The following SPTLC2 variants were observed in gnomAD, a reference collection of about 807,000 sequenced individuals.
The protein encoded by SPTLC2 is serine palmitoyltransferase 2.
In SPTLC2, 21 loss-of-function variants were observed where a neutral mutation model predicts 62.0. That is an observed-to-expected ratio of 0.34 (90% CI 0.24 to 0.49). The LOEUF is 0.49. Ranked by LOEUF, SPTLC2 falls within the 20% of genes least tolerant of loss-of-function variation. SPTLC2 has a pLI of 0.99. For missense variants in SPTLC2, 511 were observed against 713.0 expected (o/e 0.72, Z 3.23); for synonymous variants, 261 against 261.8 (o/e 1.00, Z 0.03).
chr14:77,607,379 G>A (rs1041488414), intron 1 of SPTLC2, among the ~76,000 whole-genome samples: 4 of 152,062 alleles, frequency 2.6e-5, no homozygotes, highest in Middle Eastern at 6.3e-3. Context: ...AATGGTTTCC[G>A]CCATTAAAAG....
intron 11 of SPTLC2, among the ~76,000 whole-genome samples, chr14:77,517,138 CAG>C (rs1274110736): frequency 6.6e-6 from 1 of 152,086 alleles, no homozygotes; most frequent in Non-Finnish European, 1.5e-5. Flanking sequence ...CCCAGCTACT[CAG>C]GGGGCTGAGG....
chr14:77,540,023 C>T (rs944030959), intron 9 of SPTLC2, among the ~76,000 whole-genome samples: 1 of 151,582 alleles, frequency 6.6e-6, no homozygotes, highest in Admixed American at 6.6e-5. Context: ...ATGAAGAAAC[C>T]CTGTCTCTAC....
rs528691017 is a variant in SPTLC2 at position 77,564,049 on chromosome 14, C to T, written c.757-1560G>A. ...GGTGGATCACTTGAGGTCAGGAGTT[C>T]GAGACCAGCCTGGCCAACATGGCAA... On this transcript the variant is annotated intron_variant, in intron 5 of 11. Coordinates refer to ENST00000216484, the MANE Select transcript of SPTLC2 (RefSeq NM_004863.4). Among the ~76,000 whole-genome samples the T allele has an allele frequency of 5.3e-5, 8 of 151,650 alleles. No individual in the cohort carries two copies. In the South Asian group the frequency reaches 1.7e-3, roughly 32 times the overall value.
chr14:77,531,350 A>G (rs1191431389), intron 9 of SPTLC2, among the ~76,000 whole-genome samples: 1 of 152,134 alleles, frequency 6.6e-6, no homozygotes, highest in Non-Finnish European at 1.5e-5. Flanking sequence ...TCTCAGGAAG[A>G]TGGTACTCTT....
chr14:77,586,764 A>G (rs978879626), intron 2 of SPTLC2, among the ~76,000 whole-genome samples: 1 of 152,252 alleles, frequency 6.6e-6, no homozygotes, highest in African/African-American at 2.4e-5. Context: ...CAGAGACTTC[A>G]TGAAATCAGC....
At chr14:77,539,827 T>C (rs996607997) in intron 9 of SPTLC2, among the ~76,000 whole-genome samples, 9 of 151,304 alleles carry the variant, frequency 5.9e-5, no homozygotes, top group Non-Finnish European at 1.0e-4. Context: ...TATTTTTTTG[T>C]AGCTGGCACG....
chr14:77,560,505 C>CT (rs775511180), intron 6 of SPTLC2, among the ~76,000 whole-genome samples: 10 of 151,954 alleles, frequency 6.6e-5, no homozygotes, highest in Non-Finnish European at 1.2e-4. Flanking sequence ...GTCCCAGCTA[C>CT]TAGGGTGGCT....
Position 77,572,561 on chromosome 14 carries a change from T to C in SPTLC2, c.632-2053A>G, listed in dbSNP as rs138288281. 2.3e-3 allele frequency among the ~76,000 whole-genome samples: 348 copies of C among 152,348 alleles called. 1 individual carries two copies. The highest frequency in any genetic ancestry group is 8.0e-3 in the African/African-American group (333 of 41,576). On this transcript the variant is annotated intron_variant, in intron 4 of 11. Coordinates refer to ENST00000216484, the MANE Select transcript of SPTLC2 (RefSeq NM_004863.4). ...TTAGCACCTAAAAGTAGGGTCAACCTGTCTTTTGAAGCTTTGAAACCAGGC... is the reference window on the plus strand; with the variant it reads ...TTAGCACCTAAAAGTAGGGTCAACCCGTCTTTTGAAGCTTTGAAACCAGGC...
intron 9 of SPTLC2, among the ~76,000 whole-genome samples, chr14:77,537,416 C>A (rs12889681): frequency 0.96 from 146,206 of 152,224 alleles, 70,503 homozygotes; most frequent in East Asian, 1. Context: ...TGTGTGGTCT[C>A]GTGTTGCCAG....
chr14:77,614,571 G>A (rs1022383545), intron 1 of SPTLC2, among the ~76,000 whole-genome samples: 6 of 152,100 alleles, frequency 3.9e-5, no homozygotes, highest in Non-Finnish European at 8.8e-5. Context: ...GGCTGAGGCA[G>A]GAGAATGGCG....
rs970252998 is a variant in SPTLC2 at position 77,509,696 on chromosome 14, G to A, written c.*2588C>T. On this transcript the variant is annotated 3_prime_UTR_variant, in exon 12 of 12. Transcript: ENST00000216484. Reference sequence around the variant, plus strand: ...GTACTTGGATAAATGATGATACCTAGGATATGACTGGACCCTAGATTTACA... The same window carrying A: ...GTACTTGGATAAATGATGATACCTAAGATATGACTGGACCCTAGATTTACA... The A allele has an allele frequency of 1.8e-5, 7 of 392,814 alleles. No homozygotes were observed. Among genetic ancestry groups the A allele is most frequent in the African/African-American group, 1.4e-4 (7 of 48,462 alleles). 24.3% of individuals were successfully genotyped at this position (392,814 alleles called of 1,614,324 possible).
At chr14:77,526,200 T>C (rs1488666745) in intron 9 of SPTLC2, among the ~76,000 whole-genome samples, 4 of 152,230 alleles carry the variant, frequency 2.6e-5, no homozygotes, top group Non-Finnish European at 5.9e-5. Context: ...TTGAGTATCA[T>C]ATAAAATAGC....
chr14:77,566,194 A>G (rs1459595269), intron 5 of SPTLC2, among the ~76,000 whole-genome samples: 1 of 141,290 alleles, frequency 7.1e-6, no homozygotes, highest in Non-Finnish European at 1.6e-5. Flanking sequence ...CCTTTTTTAG[A>G]CAGCCTTATT....
intron 7 of SPTLC2, 150 bp from the exon 8 acceptor site, chr14:77,555,669 G>A: frequency 1.3e-6 from 1 of 792,610 alleles, no homozygotes. Flanking sequence ...AGGCTGAAGT[G>A]CAGTGGCATA....
chr14:77,529,908 T>TAA (rs2079429454), intron 9 of SPTLC2, among the ~76,000 whole-genome samples: 1 of 152,114 alleles, frequency 6.6e-6, no homozygotes, highest in African/African-American at 2.4e-5. Context: ...AGGGGAATAT[T>TAA]ACATTTTGCT....
chr14:77,591,824 AG>A (rs2079819271), intron 2 of SPTLC2, among the ~76,000 whole-genome samples: 1 of 152,036 alleles, frequency 6.6e-6, no homozygotes, highest in African/African-American at 2.4e-5. Context: ...CTCTGGTTCA[AG>A]TGATTCTCGT....
intron 1 of SPTLC2, among the ~76,000 whole-genome samples, chr14:77,610,937 G>C (rs1180191563): frequency 1.6e-5 from 2 of 123,844 alleles, no homozygotes; most frequent in African/African-American, 6.2e-5. Flanking sequence ...ATTTTTGTTT[G>C]TTTGTTTAAG....
chr14:77,567,658 C>G (rs11159278), intron 5 of SPTLC2, among the ~76,000 whole-genome samples: 85,654 of 152,104 alleles, frequency 0.56, 25,200 homozygotes, highest in East Asian at 0.91. Flanking sequence ...ATTCTGGCCA[C>G]AGATTTATCA....
At chr14:77,606,310 C>T (rs893278758) in intron 1 of SPTLC2, among the ~76,000 whole-genome samples, 1 of 151,820 alleles carries the variant, frequency 6.6e-6, no homozygotes, top group Admixed American at 6.6e-5. Flanking sequence ...CCAGCCTGGG[C>T]AACAGAGCGA....
Sources: allele counts gnomAD v4.1 joint callset (sites outside exome capture counted in the v4.1 genomes callset), GRCh38; gene constraint gnomAD v4.1.1; transcripts MANE v1.5; gene names NCBI Gene and HGNC (gene_info 2026-07-23, HGNC 2026-07-21).